Variants in BRSK2 observed in about 807,000 individuals in gnomAD.
BRSK2 encodes serine/threonine-protein kinase BRSK2.
BRSK2 carries 19 observed loss-of-function variants against 83.3 expected under a neutral mutation model. The observed-to-expected ratio is 0.23, with a 90% confidence interval of 0.16 to 0.33. BRSK2 has a LOEUF of 0.33. Ranked by LOEUF, BRSK2 falls within the 10% of genes least tolerant of loss-of-function variation. BRSK2 has a pLI of 1.00. For missense variants in BRSK2, 798 were observed against 1,042.3 expected (o/e 0.77, Z 3.23); for synonymous variants, 519 against 435.4 (o/e 1.19, Z -2.39).
rs781049550 is a variant in BRSK2 at position 1,460,460 on chromosome 11, C to CTTTTTTT, written c.1988-40_1988-39insTTTTTTT. 13 of 1,122,766 alleles carry CTTTTTTT rather than the reference C, an allele frequency of 1.2e-5. 2 individuals are homozygous for CTTTTTTT. Among genetic ancestry groups the CTTTTTTT allele is most frequent in the South Asian group, 5.5e-5 (2 of 36,468 alleles). 69.6% of individuals were successfully genotyped at this position (1,122,766 alleles called of 1,614,324 possible). On this transcript the variant is annotated intron_variant, in intron 19 of 19. Coordinates refer to ENST00000528841, the MANE Select transcript of BRSK2 (RefSeq NM_001256627.2). ...TCTCTCCCCCTTTTTTTTCTTTTTT[C>CTTTTTTT]CTTTTTTTTTTTTTTTTTGTCTCTG...
intron 3 of BRSK2, among the ~76,000 whole-genome samples, chr11:1,439,531 G>A (rs1278500695): frequency 6.6e-6 from 1 of 151,976 alleles, no homozygotes; most frequent in East Asian, 1.9e-4. Flanking sequence ...TTCTCGGAGG[G>A]GAGGGCAGGG....
intron 1 of BRSK2, among the ~76,000 whole-genome samples, chr11:1,410,239 C>T (rs557893688): frequency 4.8e-5 from 4 of 84,112 alleles, no homozygotes; most frequent in East Asian, 8.0e-4. Context: ...TTTGTGACGT[C>T]GGCCTCGCAG....
chr11:1,415,682 G>A (rs1037300858), intron 1 of BRSK2, among the ~76,000 whole-genome samples: 10 of 152,342 alleles, frequency 6.6e-5, no homozygotes, highest in Middle Eastern at 3.4e-3. Context: ...CTGCCTGCCC[G>A]GGGCCTGCTC....
chr11:1,402,423 C>G (rs1846541546), intron 1 of BRSK2, among the ~76,000 whole-genome samples: 1 of 152,230 alleles, frequency 6.6e-6, no homozygotes. Context: ...GCCGCAAACT[C>G]AGCTCCAAGC....
Position 1,454,828 on chromosome 11 carries a change from C to T in BRSK2, c.1668+220C>T, listed in dbSNP as rs1564880967. ...CTGCCCATCTGGGGTGCTTGGCCTG[C>T]GGAGGGAGTCAGGGCTTTGCTCACT... On this transcript the variant is annotated intron_variant, in intron 16 of 19. Transcript: ENST00000528841. The surrounding 1 kb of genome is among the most constrained non-coding windows in gnomAD (Gnocchi z 5.2). Among the ~76,000 whole-genome samples, 1 of 152,290 alleles carries T rather than the reference C, an allele frequency of 6.6e-6. No homozygotes were observed. Among genetic ancestry groups the T allele is most frequent in the Non-Finnish European group, 1.5e-5 (1 of 68,014 alleles).
Position 1,450,595 on chromosome 11 carries a change from T to C in BRSK2, c.1296T>C (p.Pro432=). 6.4e-7 allele frequency: 1 copy of C among 1,572,020 alleles called. No homozygotes were observed. The highest frequency in any genetic ancestry group is 8.6e-7 in the Non-Finnish European group (1 of 1,159,110). Residue 432 remains proline, a synonymous_variant, in exon 14 of 20, where the codon CCT becomes CCC. Coordinates refer to ENST00000528841, the MANE Select transcript of BRSK2 (RefSeq NM_001256627.2). ...CTGTCCCCACCATACAGGTGACCCC[T>C]CACCCCTCACCAAGGGGCAGTCCCC... ...TSPLSSPRVT[P]HPSPRGSPLP... is the part of the protein sequence containing the mutation.
chr11:1,419,367 G>T (rs1163068420), intron 1 of BRSK2, among the ~76,000 whole-genome samples: 2 of 152,220 alleles, frequency 1.3e-5, no homozygotes, highest in Admixed American at 6.5e-5. Flanking sequence ...GCCGCTGGCT[G>T]CCCGGGCAGC....
At position 1,390,004 on chromosome 11, in the gene BRSK2, CG is replaced by C; in HGVS notation, c.-279del. 1 of 131,658 alleles carries C rather than the reference CG, an allele frequency of 7.6e-6. No homozygotes were observed. Among genetic ancestry groups the C allele is most frequent in the Non-Finnish European group, 1.7e-5 (1 of 57,732 alleles). 8.2% of individuals were successfully genotyped at this position (131,658 alleles called of 1,614,324 possible). A position where few individuals can be genotyped will look rare whatever the true frequency, so the allele number is the denominator to read the frequency against. ...GCGGGGCGCGGGGCGCGGGCCTCGG[CG>C]GCGGCGGCGGCGGCGGCGGCGGAAG... On this transcript the variant is annotated 5_prime_UTR_variant, in exon 1 of 20. Transcript: ENST00000528841. The surrounding 1 kb of genome is among the most constrained non-coding windows in gnomAD (Gnocchi z 6.8).
intron 1 of BRSK2, among the ~76,000 whole-genome samples, chr11:1,417,831 G>T (rs75739401): frequency 1.4e-4 from 18 of 132,998 alleles, no homozygotes; most frequent in East Asian, 2.3e-4. Context: ...CTGCTTCTGT[G>T]GGCTGTTTCT....
At position 1,459,301 on chromosome 11, in the gene BRSK2, C is replaced by T. The variant is rs920255622; in HGVS notation, c.1987+62C>T. 59 of 1,584,872 alleles carry T rather than the reference C, an allele frequency of 3.7e-5. No individual in the cohort carries two copies. In the Middle Eastern group the frequency reaches 5.0e-4, roughly 13 times the overall value. On this transcript the variant is annotated intron_variant, in intron 19 of 19. Coordinates refer to ENST00000528841, the MANE Select transcript of BRSK2 (RefSeq NM_001256627.2). Reference sequence around the variant, plus strand: ...GCCACTTCACCGCTCACCCTCAGCCCGCTGTGGCCGCCACCTGCCGCCCGG... The same window carrying T: ...GCCACTTCACCGCTCACCCTCAGCCTGCTGTGGCCGCCACCTGCCGCCCGG...
intron 1 of BRSK2, among the ~76,000 whole-genome samples, chr11:1,396,310 G>GTCCCCCACTCCTGGTCTCTCTTCCCTT (rs1303787092): frequency 1.3e-5 from 1 of 79,790 alleles, no homozygotes; most frequent in African/African-American, 4.5e-5. Context: ...CCTTACAGCC[G>GTCCCCCACTCCTGGTCTCTCTTCCCTT]CCTCGAGGAC....
intron 1 of BRSK2, among the ~76,000 whole-genome samples, chr11:1,419,400 C>T (rs927234738): frequency 6.6e-6 from 1 of 152,182 alleles, no homozygotes; most frequent in African/African-American, 2.4e-5. Flanking sequence ...GCTGTCAGGT[C>T]GGTGGTCTCT....
At chr11:1,456,964 C>A (rs768414291) in intron 18 of BRSK2, 39 of 1,597,300 alleles carry the variant, frequency 2.4e-5, no homozygotes, top group Middle Eastern at 3.3e-4. Flanking sequence ...GAACCCCCCC[C>A]ACCAGCGCCA....
At position 1,443,596 on chromosome 11, in the gene BRSK2, A is replaced by T; in HGVS notation, c.741A>T (p.Leu247=). 2.5e-6 allele frequency: 4 copies of T among 1,609,024 alleles called. No individual in the cohort carries two copies. The highest frequency in any genetic ancestry group is 3.4e-6 in the Non-Finnish European group (4 of 1,178,084). ...HFIPPDCQSL[L]RGMIEVDAAR... is the part of the protein sequence containing the mutation. ...TCCCGCCCGACTGCCAGAGTCTGCT[A>T]CGGGGCATGATCGAGGTGGACGCCG... The change falls in exon 8 of 20, where the codon CTA becomes CTT. Residue 247 remains leucine, a synonymous_variant. Coordinates refer to ENST00000528841, the MANE Select transcript of BRSK2 (RefSeq NM_001256627.2).
chr11:1,406,428 C>T (rs1183083371), intron 1 of BRSK2, among the ~76,000 whole-genome samples: 2 of 152,176 alleles, frequency 1.3e-5, no homozygotes, highest in South Asian at 2.1e-4. Flanking sequence ...GCTGAGATCA[C>T]GCCACTGCAC....
intron 12 of BRSK2, among the ~76,000 whole-genome samples, chr11:1,449,450 G>A (rs376671261): frequency 5.4e-4 from 83 of 152,354 alleles, no homozygotes; most frequent in African/African-American, 1.9e-3. Context: ...GGAAGCTCCC[G>A]TCTGTCCCCT....
intron 1 of BRSK2, among the ~76,000 whole-genome samples, chr11:1,402,487 T>C (rs4963077): frequency 0.71 from 107,557 of 152,120 alleles, 38,560 homozygotes; most frequent in Non-Finnish European, 0.76. Flanking sequence ...GGAGGAGCAT[T>C]GCAAAGGGTG....
rs1168460727 is a variant in BRSK2, at chr11:1,454,708, G to A, written c.1668+100G>A. 6.8e-6 allele frequency: 10 copies of A among 1,468,898 alleles called. No homozygotes were observed. The highest frequency in any genetic ancestry group is 2.8e-5 in the African/African-American group (2 of 71,928). 91.0% of individuals were successfully genotyped at this position (1,468,898 alleles called of 1,614,324 possible). On this transcript the variant is annotated intron_variant, in intron 16 of 19. Transcript: ENST00000528841. The surrounding 1 kb of genome is among the most constrained non-coding windows in gnomAD (Gnocchi z 5.2). ...CCTCACGTAGACAGGACATGTCCAC[G>A]CGCACAGCACGGACGTCCGCTCACC...
At chr11:1,419,290 C>T (rs552747774) in intron 1 of BRSK2, among the ~76,000 whole-genome samples, 43 of 151,078 alleles carry the variant, frequency 2.8e-4, no homozygotes, top group African/African-American at 7.1e-4. Context: ...GTCTGGGCAC[C>T]GGGGGGCCTT....
Sources: allele counts gnomAD v4.1 joint callset (sites outside exome capture counted in the v4.1 genomes callset), GRCh38; gene constraint gnomAD v4.1.1; non-coding constraint Gnocchi (gnomAD v3.1); transcripts MANE v1.5; gene names NCBI Gene and HGNC (gene_info 2026-07-23, HGNC 2026-07-21).